Variants in EFHC1 observed in about 807,000 individuals in gnomAD.
EFHC1 encodes EF-hand domain containing 1, also known as EF-hand domain-containing protein 1.
A neutral mutation model predicts 69.9 loss-of-function variants in EFHC1; 53 were observed. The observed-to-expected ratio is 0.76, with a 90% CI of 0.61 to 0.95. The LOEUF (loss-of-function observed/expected upper bound fraction) is 0.95. Among genes scored for constraint, EFHC1 ranks in the 40% least tolerant of loss-of-function variants. The pLI, the probability that EFHC1 is intolerant of heterozygous loss-of-function variation, is 0.00. For missense variants in EFHC1, 739 were observed against 798.7 expected (o/e 0.93, Z 0.90); for synonymous variants, 256 against 278.4 (o/e 0.92, Z 0.80).
chr6:52,433,376 A>G lies in EFHC1; in HGVS notation c.286-4928A>G, dbSNP rs76366728. 1.3e-4 allele frequency among the ~76,000 whole-genome samples: 20 copies of G among 152,244 alleles called. No homozygotes were observed. The East Asian group carries it at 3.5e-3, about 27-fold the overall frequency. On this transcript the variant is annotated intron_variant, in intron 2 of 10. Coordinates refer to ENST00000371068, the MANE Select transcript of EFHC1 (RefSeq NM_018100.4). The stretch of plus-strand genomic sequence containing the variant: ...TTTTGTCCCACGGGGTGTTCCCTTG[A>G]TGTAGCATTCTCTCCCTTTTCCTAT...
At chr6:52,470,610 G>T (rs1050403777) in intron 7 of EFHC1, among the ~76,000 whole-genome samples, 1 of 152,220 alleles carries the variant, frequency 6.6e-6, no homozygotes, top group African/African-American at 2.4e-5. Flanking sequence ...CCCAGGTCCA[G>T]TGCTGCTTAG....
rs147625678 is a variant in EFHC1 at position 52,477,351 on chromosome 6, A to G, written c.1279-1686A>G. On this transcript the variant is annotated intron_variant, in intron 7 of 10. Transcript: ENST00000371068. ...AAAAATCTAATGACTTTTTTAATAGATGAGGAATTATTACACAAACAATCC... is the reference window on the plus strand; with the variant it reads ...AAAAATCTAATGACTTTTTTAATAGGTGAGGAATTATTACACAAACAATCC... Among the ~76,000 whole-genome samples, 844 of 152,320 alleles carry G rather than the reference A, an allele frequency of 5.5e-3. 8 individuals carry two copies. Among genetic ancestry groups the G allele is most frequent in the African/African-American group, 0.019 (794 of 41,568 alleles).
At chr6:52,484,834 G>A (rs955727225) in intron 9 of EFHC1, among the ~76,000 whole-genome samples, 8 of 152,036 alleles carry the variant, frequency 5.3e-5, no homozygotes, top group African/African-American at 1.9e-4. Context: ...GAAACAGTGA[G>A]GATAGAGGGA....
chr6:52,427,683 G>T (rs1261537744), intron 2 of EFHC1, among the ~76,000 whole-genome samples: 2 of 151,846 alleles, frequency 1.3e-5, no homozygotes, highest in Admixed American at 6.6e-5. Context: ...TATATTTAGT[G>T]CTCAATAAAT....
intron 5 of EFHC1, among the ~76,000 whole-genome samples, chr6:52,458,765 A>C (rs1296129785): frequency 1.1e-4 from 16 of 152,224 alleles, no homozygotes. Context: ...GTATATACCC[A>C]AAAGAAAATA....
At position 52,454,704 on chromosome 6, in the gene EFHC1, T is replaced by C. The variant is rs538112893; in HGVS notation, c.916+417T>C. Among the ~76,000 whole-genome samples, 88 of 152,304 alleles carry C rather than the reference T, an allele frequency of 5.8e-4. 1 individual carries two copies. The highest frequency in any genetic ancestry group is 2.0e-3 in the African/African-American group (82 of 41,562). On this transcript the variant is annotated intron_variant, in intron 5 of 10. Coordinates refer to ENST00000371068, the MANE Select transcript of EFHC1 (RefSeq NM_018100.4). The stretch of plus-strand genomic sequence containing the variant: ...CTACTTCCTAAACAGGAAGTTTCTA[T>C]GTGGTTTAACTTGAGATTGGAAAAG...
At chr6:52,444,190 T>C (rs1369672407) in intron 3 of EFHC1, among the ~76,000 whole-genome samples, 3 of 152,236 alleles carry the variant, frequency 2.0e-5, no homozygotes, top group Non-Finnish European at 4.4e-5. Flanking sequence ...GATTTTGGGC[T>C]GAGAGGATAG....
In EFHC1 at chr6:52,465,055, TG is replaced by T. The variant is rs1317411767; in HGVS notation, c.1079del (p.Gly360GlufsTer10). 3 of 1,614,042 alleles carry T rather than the reference TG, an allele frequency of 1.9e-6. No individual in the cohort carries two copies. ...CTCGACGGTATTACAAAGAGAAGTTTGGAATCACTGATTTACCACGTATTGA... is the reference window on the plus strand; with the variant it reads ...CTCGACGGTATTACAAAGAGAAGTTTGAATCACTGATTTACCACGTATTGA... ...FTRRYYKEKF[G>X]ITDLPRIDVS... is the part of the protein sequence containing the mutation. On this transcript the variant is annotated frameshift_variant, in exon 6 of 11. Coordinates refer to ENST00000371068, the MANE Select transcript of EFHC1 (RefSeq NM_018100.4). LOFTEE classifies it high-confidence loss of function.
intron 3 of EFHC1, among the ~76,000 whole-genome samples, chr6:52,443,241 T>C (rs1017354181): frequency 6.6e-6 from 1 of 152,254 alleles, no homozygotes; most frequent in Non-Finnish European, 1.5e-5. Context: ...GTAGGTTGCC[T>C]GTTCACTCAG....
intron 1 of EFHC1, among the ~76,000 whole-genome samples, chr6:52,422,402 C>A (rs1438567130): frequency 6.6e-6 from 1 of 152,096 alleles, no homozygotes; most frequent in Non-Finnish European, 1.5e-5. Context: ...CTGGAGCAGT[C>A]CCTGTCAACT....
rs1554262447 is a variant in EFHC1, at chr6:52,493,385, T to TATA, written c.*1044_*1045insATA. 7.5e-4 allele frequency: 158 copies of TATA among 210,334 alleles called. No individual in the cohort carries two copies. Among genetic ancestry groups the TATA allele is most frequent in the Middle Eastern group, 1.7e-3 (1 of 602 alleles). 13.0% of individuals were successfully genotyped at this position (210,334 alleles called of 1,614,324 possible). A position where few individuals can be genotyped will look rare whatever the true frequency, so the allele number is the denominator to read the frequency against. ...CTCTACATATATATATATATATATA[T>TATA]TTTATATGTACACATTCATACACAC... On this transcript the variant is annotated 3_prime_UTR_variant, in exon 11 of 11. Transcript: ENST00000371068.
chr6:52,495,236 G>A lies in EFHC1; in HGVS notation c.*2895G>A, dbSNP rs759925870. The A allele has an allele frequency of 1.1e-5, 5 of 453,966 alleles. No individual in the cohort carries two copies. The highest frequency in any genetic ancestry group is 4.0e-5 in the African/African-American group (2 of 49,986). The allele number at this position is 453,966 out of a possible 1,614,324, so 28.1% of individuals were successfully genotyped here. A position where few individuals can be genotyped will look rare whatever the true frequency, so the allele number is the denominator to read the frequency against. On this transcript the variant is annotated 3_prime_UTR_variant, in exon 11 of 11. Coordinates refer to ENST00000371068, the MANE Select transcript of EFHC1 (RefSeq NM_018100.4). ...CAGCTCAATCCCTTTCCTTTAGACT[G>A]TTTCAGGGGAGAACCAGGTACCCCA...
At chr6:52,445,853 C>T (rs1764772165) in intron 3 of EFHC1, among the ~76,000 whole-genome samples, 1 of 152,114 alleles carries the variant, frequency 6.6e-6, no homozygotes, top group Non-Finnish European at 1.5e-5. Context: ...GTTCAATTTC[C>T]ATGTAGTTGA....
chr6:52,470,595 C>G (rs1051068988), intron 7 of EFHC1, among the ~76,000 whole-genome samples: 6 of 152,222 alleles, frequency 3.9e-5, no homozygotes, highest in Non-Finnish European at 8.8e-5. Flanking sequence ...GGCTAATTGT[C>G]TTGTCCCAGG....
intron 9 of EFHC1, chr6:52,484,256 T>C (rs1365437238): frequency 6.6e-6 from 1 of 152,216 alleles, no homozygotes; most frequent in Non-Finnish European, 1.5e-5. Context: ...GAGACACCTT[T>C]ATACCCTTAA....
intron 5 of EFHC1, among the ~76,000 whole-genome samples, chr6:52,455,424 G>A (rs944973278): frequency 7.2e-5 from 11 of 152,122 alleles, no homozygotes; most frequent in African/African-American, 2.7e-4. Flanking sequence ...GGAGGCCAAG[G>A]CAGGTGGATC....
rs779561319 is a variant in EFHC1, at chr6:52,452,653, A to G, written c.574-35A>G. Reference sequence around the variant, plus strand: ...TTATAACTTACTCTGAAAAGCTCCAAGAAAGATGATCATTGTTAACTTTCA... The same window carrying G: ...TTATAACTTACTCTGAAAAGCTCCAGGAAAGATGATCATTGTTAACTTTCA... On this transcript the variant is annotated intron_variant, in intron 3 of 10. Transcript: ENST00000371068. The G allele has an allele frequency of 3.7e-6, 6 of 1,611,542 alleles. 1 individual carries two copies. In the South Asian group the frequency reaches 5.5e-5, roughly 15 times the overall value.
chr6:52,465,166 A>T, intron 6 of EFHC1, 51 bp downstream of exon 6: 1 of 1,502,544 alleles, frequency 6.7e-7, no homozygotes. Context: ...TTTTTGAGGT[A>T]GAAATTTAAG....
intron 5 of EFHC1, among the ~76,000 whole-genome samples, chr6:52,463,194 ATT>A (rs35702967): frequency 1.1e-4 from 14 of 132,970 alleles, no homozygotes; most frequent in African/African-American, 2.0e-4. Context: ...CACCCAGCTA[ATT>A]TTTTTTTTTT....
Sources: allele counts gnomAD v4.1 joint callset (sites outside exome capture counted in the v4.1 genomes callset), GRCh38; gene constraint gnomAD v4.1.1; transcripts MANE v1.5; gene names NCBI Gene and HGNC (gene_info 2026-07-23, HGNC 2026-07-21).